The following VPS13C variants were observed in gnomAD, a reference collection of about 807,000 sequenced individuals.
VPS13C encodes the protein intermembrane lipid transfer protein VPS13C.
VPS13C carries 358 observed loss-of-function variants against 456.8 expected under a neutral mutation model. That is an observed-to-expected ratio of 0.78 (90% CI 0.72 to 0.86). VPS13C has a LOEUF of 0.86. Ranked by LOEUF, VPS13C falls within the 40% of genes least tolerant of loss-of-function variation. The pLI is 0.00. For synonymous variants in VPS13C, 1,578 were observed against 1,486.7 expected (o/e 1.06, Z -1.41); for missense variants, 4,818 against 4,385.4 (o/e 1.10, Z -2.79).
At chr15:61,885,660 C>T (rs760562294) in intron 67 of VPS13C, among the ~76,000 whole-genome samples, 1 of 152,154 alleles carries the variant, frequency 6.6e-6, no homozygotes. Context: ...TAAGTACCTG[C>T]TCACAAATAA....
rs1053892598 is a variant in VPS13C, at chr15:62,060,429, G to C, written c.-55C>G. 240 of 925,330 alleles carry C rather than the reference G, an allele frequency of 2.6e-4. No homozygotes were observed. Among genetic ancestry groups the C allele is most frequent in the Non-Finnish European group, 3.8e-4 (228 of 600,044 alleles). The allele number at this position is 925,330 out of a possible 1,614,324, so 57.3% of individuals were successfully genotyped here. On this transcript the variant is annotated 5_prime_UTR_variant, in exon 1 of 85. Transcript: ENST00000644861. ...AGCCGGAACCGCCCGGCGCAGCTGA[G>C]GGCTGCGACCAGCGCTGCAAATGAC...
At chr15:61,998,883 C>G (rs1341928020) in intron 16 of VPS13C, among the ~76,000 whole-genome samples, 1 of 152,112 alleles carries the variant, frequency 6.6e-6, no homozygotes, top group South Asian at 2.1e-4. Context: ...TTATGGTGAT[C>G]GACTTCTACT....
chr15:62,059,825 G>T (rs936354449), intron 1 of VPS13C, among the ~76,000 whole-genome samples: 4 of 152,206 alleles, frequency 2.6e-5, no homozygotes, highest in African/African-American at 9.7e-5. Context: ...AAATGATAGT[G>T]AAGATAACTG....
At chr15:62,007,745 C>T (rs111745604) in intron 14 of VPS13C, among the ~76,000 whole-genome samples, 2,879 of 152,264 alleles carry the variant, frequency 0.019, 60 homozygotes, top group South Asian at 0.069. Context: ...GGTTATAACA[C>T]TGAGTCTATG....
rs541400877 is a variant in VPS13C, at chr15:61,930,824, C to T, written c.6038+266G>A. Among the ~76,000 whole-genome samples, 11 of 152,296 alleles carry T rather than the reference C, an allele frequency of 7.2e-5. No homozygotes were observed. In the South Asian group the frequency reaches 2.3e-3, roughly 32 times the overall value. On this transcript the variant is annotated intron_variant, in intron 50 of 84. Transcript: ENST00000644861. ...AAATACATCACCAAATATATCACCC[C>T]ATGTGGATTTAACTATTAAAACTCA...
Position 61,950,936 on chromosome 15 carries a change from A to ACTAG in VPS13C, c.4536+5_4536+8dup. ...AATATTAAAGAATCCTAGAAATGAA[A>ACTAG]CTAGTTACCTTTGTCAGTAACATTT... On this transcript the variant is annotated intron_variant, in intron 40 of 84. Transcript: ENST00000644861. 1 of 1,563,694 alleles carries ACTAG rather than the reference A, an allele frequency of 6.4e-7. No homozygotes were observed. The highest frequency in any genetic ancestry group is 1.4e-5 in the African/African-American group (1 of 73,140).
chr15:62,059,808 C>T (rs1289540751), intron 1 of VPS13C, among the ~76,000 whole-genome samples: 2 of 152,234 alleles, frequency 1.3e-5, no homozygotes, highest in Non-Finnish European at 2.9e-5. Flanking sequence ...AGTTCTTGCT[C>T]CCTGTAAAAT....
chr15:61,991,796 G>A lies in VPS13C; in HGVS notation c.1360C>T (p.Arg454Trp), dbSNP rs370789719. The A allele has an allele frequency of 1.4e-5, 22 of 1,605,984 alleles. No individual in the cohort carries two copies. The highest frequency in any genetic ancestry group is 2.7e-5 in the African/African-American group (2 of 74,174). The change falls in exon 17 of 85, where the codon CGG (arginine) becomes TGG (tryptophan). Residue 454 changes from arginine (R) to tryptophan (W), a missense_variant. Around this residue, in one of 3 missense-constraint regions of VPS13C, gnomAD observed 4,552 missense variants for 4,130.6 expected, o/e 1.10. Transcript: ENST00000644861. Reference sequence around the variant, plus strand: ...TTTTTCCTTAATTTTTGCCCAGACCGAATCACCTGAAAAATAAAAATTAAA... The same window carrying A: ...TTTTTCCTTAATTTTTGCCCAGACCAAATCACCTGAAAAATAAAAATTAAA... ...ARQQAQVEVI[R>W]SGQKLRKKSA...
intron 66 of VPS13C, among the ~76,000 whole-genome samples, chr15:61,897,298 T>C (rs2140098521): frequency 6.6e-6 from 1 of 152,248 alleles, no homozygotes; most frequent in Middle Eastern, 3.4e-3. Flanking sequence ...ACGATCAAAT[T>C]ACTCTGAGCT....
chr15:62,022,029 T>G lies in VPS13C; in HGVS notation c.624+1382A>C, dbSNP rs555134798. ...TAGTATTCCAATATGTATATACACA[T>G]TTTATTTACCCATTCATCCACTGAT... On this transcript the variant is annotated intron_variant, in intron 8 of 84. Coordinates refer to ENST00000644861, the MANE Select transcript of VPS13C (RefSeq NM_020821.3). Among the ~76,000 whole-genome samples, 67 of 151,992 alleles carry G rather than the reference T, an allele frequency of 4.4e-4. 3 individuals carry two copies. The South Asian group carries it at 0.013, about 31-fold the overall frequency.
chr15:61,931,638 C>T (rs1177528449), intron 49 of VPS13C, among the ~76,000 whole-genome samples: 1 of 147,282 alleles, frequency 6.8e-6, no homozygotes, highest in Non-Finnish European at 1.5e-5. Context: ...AGTGCAGTGG[C>T]GCGATCTCGG....
At chr15:62,059,496 A>G (rs969339717) in intron 1 of VPS13C, among the ~76,000 whole-genome samples, 33 of 152,170 alleles carry the variant, frequency 2.2e-4, no homozygotes, top group Non-Finnish European at 3.8e-4. Context: ...TAAGTACACT[A>G]TTTCCTGAAT....
rs1028045725 is a variant in VPS13C, at chr15:61,945,881, G to C, written c.4982C>G (p.Ala1661Gly). 2.5e-6 allele frequency: 4 copies of C among 1,599,404 alleles called. No individual in the cohort carries two copies. In the Admixed American group the frequency reaches 7.1e-5, roughly 28 times the overall value. The change falls in exon 45 of 85, where the codon GCT (alanine) becomes GGT (glycine). Residue 1661 changes from alanine to glycine, a missense_variant and splice_region_variant. By Grantham distance (60) the Ala-to-Gly change is moderately conservative. Transcript: ENST00000644861. Reference protein sequence around the residue: ...NVDLQSIHKKAVSILGDEVFR... With the variant: ...NVDLQSIHKKGVSILGDEVFR... ...GACTTCATCTCCCAAAATAGAGACA[G>C]CCTAAAAGTATTAGATTAACTGGTT...
intron 8 of VPS13C, among the ~76,000 whole-genome samples, chr15:62,020,849 T>A (rs1341687562): frequency 6.6e-6 from 1 of 152,006 alleles, no homozygotes; most frequent in Non-Finnish European, 1.5e-5. Flanking sequence ...TTTATGTGTA[T>A]AATCAAAGAT....
Position 61,918,239 on chromosome 15 carries a change from T to C in VPS13C, c.7657A>G (p.Ile2553Val). ...SPLQIKNHFS[I>V]AFIIYKFVKN... ...ACAAATTTATAGATGATAAATGCAA[T>C]GGAGAAATGGTTTTTGATCTGTTGG... Residue 2553 changes from isoleucine to valine, a missense_variant, in exon 59 of 85, where the codon ATT becomes GTT. Transcript: ENST00000644861. The C allele has an allele frequency of 6.4e-7, 1 of 1,573,500 alleles. No individual in the cohort carries two copies. The highest frequency in any genetic ancestry group is 1.2e-5 in the South Asian group (1 of 82,930).
intron 66 of VPS13C, among the ~76,000 whole-genome samples, chr15:61,890,813 G>A (rs1317090913): frequency 6.6e-6 from 1 of 152,160 alleles, no homozygotes; most frequent in South Asian, 2.1e-4. Flanking sequence ...TTTGGAGGCT[G>A]AAGCGGGCAA....
rs772648962 is a variant in VPS13C, at chr15:61,929,535, T to C, written c.6252A>G (p.Arg2084=). 1.9e-6 allele frequency: 3 copies of C among 1,614,118 alleles called. No individual in the cohort carries two copies. Among genetic ancestry groups the C allele is most frequent in the African/African-American group, 1.3e-5 (1 of 75,052 alleles). Residue 2084 remains arginine (R), a synonymous_variant, in exon 51 of 85, where the codon AGA becomes AGG. Transcript: ENST00000644861. ...TCTTGACCTTCCCTGTGGCAGTCTG[T>C]CTTGGTAAAATCTGTGTTTCTTTTG... ...NVAKETQILP[R]QTATGKVKIE... is the part of the protein sequence containing the mutation.
At chr15:62,055,391 C>G (rs2048754480) in intron 1 of VPS13C, among the ~76,000 whole-genome samples, 1 of 149,966 alleles carries the variant, frequency 6.7e-6, no homozygotes, top group Admixed American at 6.6e-5. Context: ...CCATGCCCGG[C>G]TAATTTTTTG....
intron 16 of VPS13C, among the ~76,000 whole-genome samples, chr15:61,998,447 TC>T (rs1567089163): frequency 6.6e-6 from 1 of 152,188 alleles, no homozygotes; most frequent in African/African-American, 2.4e-5. Context: ...TGAAAAAAAA[TC>T]ACGTGTTTAG....
Sources: allele counts gnomAD v4.1 joint callset (sites outside exome capture counted in the v4.1 genomes callset), GRCh38; gene constraint gnomAD v4.1.1; regional missense constraint gnomAD v4.1.1; transcripts MANE v1.5; gene names NCBI Gene and HGNC (gene_info 2026-07-23, HGNC 2026-07-21).